The following ARL5A variants were observed in gnomAD, a reference collection of about 807,000 sequenced individuals.
The protein encoded by ARL5A is ADP-ribosylation factor-like protein 5A.
ARL5A carries 18 observed loss-of-function variants against 25.9 expected under a neutral mutation model. That is an observed-to-expected ratio of 0.69 (90% CI 0.48 to 1.03). The LOEUF is 1.03. Among genes scored for constraint, ARL5A ranks in the 50% least tolerant of loss-of-function variants. The probability of loss-of-function intolerance (pLI) is 0.00; values close to 1 mark genes in which losing one functional copy is unlikely to be tolerated. For missense variants in ARL5A, 170 were observed against 211.9 expected (o/e 0.80, Z 1.23); for synonymous variants, 61 against 67.5 (o/e 0.90, Z 0.47).
intron 1 of ARL5A, among the ~76,000 whole-genome samples, chr2:151,824,503 T>TAATAATAATAATAATAAC (rs534560146): frequency 2.6e-5 from 4 of 151,960 alleles, no homozygotes; most frequent in African/African-American, 7.3e-5. Flanking sequence ...ATAATAATAA[T>TAATAATAATAATAATAAC]AACAACAATA....
At position 151,814,706 on chromosome 2, in the gene ARL5A, C is replaced by T. The variant is rs78224388; in HGVS notation, c.108-390G>A. Among the ~76,000 whole-genome samples the T allele has an allele frequency of 5.7e-3, 873 of 151,964 alleles. 5 individuals carry two copies. The highest frequency in any genetic ancestry group is 8.5e-3 in the Non-Finnish European group (580 of 67,992). On this transcript the variant is annotated intron_variant, in intron 2 of 5. Coordinates refer to ENST00000295087, the MANE Select transcript of ARL5A (RefSeq NM_012097.4). ...GAGTAGCTGGAACTACAGGTGTGCA[C>T]CACTACATCCAGCTAATTTTAAAAT...
chr2:151,816,474 A>G (rs1428264446), intron 1 of ARL5A, among the ~76,000 whole-genome samples: 2 of 152,264 alleles, frequency 1.3e-5, no homozygotes, highest in Admixed American at 1.3e-4. Context: ...GCTTTAAGTC[A>G]TAAAATTAAA....
rs776861293 is a variant in ARL5A at position 151,814,292 on chromosome 2, T to C, written c.132A>G (p.Thr44=). The C allele has an allele frequency of 5.7e-6, 9 of 1,582,640 alleles. No individual in the cohort carries two copies. Among genetic ancestry groups the C allele is most frequent in the East Asian group, 2.3e-5 (1 of 43,390 alleles). Residue 44 remains threonine (T), a synonymous_variant, in exon 3 of 6, where the codon ACA becomes ACG. Transcript: ENST00000295087. The part of the protein sequence containing the change: ...YQFSMNEVVH[T]SPTIGSNVEE... ...CTACATTACTTCCTATTGTAGGAGA[T>C]GTATGTACAACTTCATTCATAGAAC...
chr2:151,807,984 T>A (rs1191363963), intron 4 of ARL5A, among the ~76,000 whole-genome samples: 1 of 152,162 alleles, frequency 6.6e-6, no homozygotes, highest in Admixed American at 6.5e-5. Flanking sequence ...CCCACTCCTC[T>A]CTACCTGCCA....
At chr2:151,827,044 G>C (rs1038448661) in intron 1 of ARL5A, among the ~76,000 whole-genome samples, 1 of 152,166 alleles carries the variant, frequency 6.6e-6, no homozygotes, top group Non-Finnish European at 1.5e-5. Flanking sequence ...GGTGGTAGTA[G>C]TAGGTGTACA....
rs2099829539 is a variant in ARL5A at position 151,802,343 on chromosome 2, T to A, written c.*933A>T. ...CATGTTTCACAAAACAGTTTTCAATTAATGCTGAGCATTCATTTGATAATT... is the reference window on the plus strand; with the variant it reads ...CATGTTTCACAAAACAGTTTTCAATAAATGCTGAGCATTCATTTGATAATT... On this transcript the variant is annotated 3_prime_UTR_variant, in exon 6 of 6. Coordinates refer to ENST00000295087, the MANE Select transcript of ARL5A (RefSeq NM_012097.4). 1 of 152,164 alleles carries A rather than the reference T, an allele frequency of 6.6e-6. No individual in the cohort carries two copies. Among genetic ancestry groups the A allele is most frequent in the Non-Finnish European group, 1.5e-5 (1 of 67,990 alleles). The allele number at this position is 152,164 out of a possible 1,614,324, so 9.4% of individuals were successfully genotyped here.
intron 1 of ARL5A, among the ~76,000 whole-genome samples, chr2:151,815,614 T>G (rs2099831403): frequency 6.6e-6 from 1 of 152,078 alleles, no homozygotes; most frequent in Non-Finnish European, 1.5e-5. Flanking sequence ...GTGTGTGGAG[T>G]GGAGTGAATG....
intron 4 of ARL5A, among the ~76,000 whole-genome samples, chr2:151,811,316 CA>C (rs1405608732): frequency 6.6e-6 from 1 of 151,968 alleles, no homozygotes; most frequent in Non-Finnish European, 1.5e-5. Flanking sequence ...CTAAGCTTTG[CA>C]AAAAATTCCA....
rs372896293 is a variant in ARL5A at position 151,802,367 on chromosome 2, T to C, written c.*909A>G. On this transcript the variant is annotated 3_prime_UTR_variant, in exon 6 of 6. Transcript: ENST00000295087. ...TTAATGCTGAGCATTCATTTGATAA[T>C]TGTAATCATAATTTGATTCACTGAT... The C allele has an allele frequency of 6.6e-6, 1 of 152,160 alleles. No homozygotes were observed. Among genetic ancestry groups the C allele is most frequent in the Non-Finnish European group, 1.5e-5 (1 of 67,980 alleles). The allele number at this position is 152,160 out of a possible 1,614,324, so 9.4% of individuals were successfully genotyped here. A position where few individuals can be genotyped will look rare whatever the true frequency, so the allele number is the denominator to read the frequency against.
chr2:151,801,106 A>T lies in ARL5A; in HGVS notation c.*2170T>A, dbSNP rs929766627. On this transcript the variant is annotated 3_prime_UTR_variant, in exon 6 of 6. Coordinates refer to ENST00000295087, the MANE Select transcript of ARL5A (RefSeq NM_012097.4). ...TTTTATGTACAAGTACACAAGTACC[A>T]CCTTATTTTTAATGTTTACCTTGAA... The T allele has an allele frequency of 2.0e-5, 3 of 152,598 alleles. No homozygotes were observed. The highest frequency in any genetic ancestry group is 7.2e-5 in the African/African-American group (3 of 41,460). The allele number at this position is 152,598 out of a possible 1,614,324, so 9.5% of individuals were successfully genotyped here.
chr2:151,825,953 T>A (rs1264902223), intron 1 of ARL5A, among the ~76,000 whole-genome samples: 4 of 151,924 alleles, frequency 2.6e-5, no homozygotes, highest in Non-Finnish European at 5.9e-5. Context: ...TGAAACCCCA[T>A]CTCTACAAAA....
chr2:151,813,515 G>A (rs1450206033), intron 3 of ARL5A, among the ~76,000 whole-genome samples: 1 of 152,186 alleles, frequency 6.6e-6, no homozygotes, highest in Admixed American at 6.5e-5. Flanking sequence ...TGCAGTGTTA[G>A]GAAATCAAGT....
chr2:151,816,370 GCTAT>G (rs2099831500), intron 1 of ARL5A, among the ~76,000 whole-genome samples: 1 of 152,166 alleles, frequency 6.6e-6, no homozygotes, highest in African/African-American at 2.4e-5. Context: ...AATTTTAGCT[GCTAT>G]CTGACTGCAA....
At position 151,800,916 on chromosome 2, in the gene ARL5A, T is replaced by C. The variant is rs1285000718; in HGVS notation, c.*2360A>G. 6.6e-6 allele frequency: 1 copy of C among 152,586 alleles called. No homozygotes were observed. Among genetic ancestry groups the C allele is most frequent in the Non-Finnish European group, 1.5e-5 (1 of 68,014 alleles). 9.5% of individuals were successfully genotyped at this position (152,586 alleles called of 1,614,324 possible). ...GATGTTTTCACTCAGAAGTGGCATATTAAAAACCCAAAAGCATCTCCCTCT... is the reference window on the plus strand; with the variant it reads ...GATGTTTTCACTCAGAAGTGGCATACTAAAAACCCAAAAGCATCTCCCTCT... On this transcript the variant is annotated 3_prime_UTR_variant, in exon 6 of 6. Transcript: ENST00000295087.
At chr2:151,804,206 G>A (rs1188665960) in intron 5 of ARL5A, among the ~76,000 whole-genome samples, 1 of 152,040 alleles carries the variant, frequency 6.6e-6, no homozygotes, top group African/African-American at 2.4e-5. Flanking sequence ...AACTTTTGAA[G>A]GCAATAAAAT....
At chr2:151,810,285 T>C (rs932949486) in intron 4 of ARL5A, 1 of 157,028 alleles carries the variant, frequency 6.4e-6, no homozygotes, top group Non-Finnish European at 1.4e-5. Context: ...ATGTAAAGAG[T>C]CATTATCAGT....
chr2:151,816,799 G>A (rs2099831571), intron 1 of ARL5A, among the ~76,000 whole-genome samples: 1 of 152,182 alleles, frequency 6.6e-6, no homozygotes, highest in Non-Finnish European at 1.5e-5. Flanking sequence ...TCAAGACACT[G>A]GGCAGTAGCA....
chr2:151,824,577 GCACC>G (rs543180334), intron 1 of ARL5A, among the ~76,000 whole-genome samples: 154 of 152,296 alleles, frequency 1.0e-3, no homozygotes, highest in African/African-American at 3.6e-3. Flanking sequence ...AGCTTCTCCT[GCACC>G]CATTCATACT....
At position 151,812,326 on chromosome 2, in the gene ARL5A, C is replaced by T. The variant is rs777879057; in HGVS notation, c.339+31G>A. On this transcript the variant is annotated intron_variant, in intron 4 of 5. Coordinates refer to ENST00000295087, the MANE Select transcript of ARL5A (RefSeq NM_012097.4). ...AAGTATCGATTCCCATACCCTTCCCCATATCTAATGTAAAAAGACTACTTA... is the reference window on the plus strand; with the variant it reads ...AAGTATCGATTCCCATACCCTTCCCTATATCTAATGTAAAAAGACTACTTA... The T allele has an allele frequency of 1.5e-5, 21 of 1,432,382 alleles. No homozygotes were observed. In the Admixed American group the frequency reaches 4.1e-4, roughly 28 times the overall value. 88.7% of individuals were successfully genotyped at this position (1,432,382 alleles called of 1,614,324 possible).
Sources: gnomAD v4.1 joint callset for allele counts (sites outside exome capture counted in the v4.1 genomes callset) on GRCh38, gnomAD v4.1.1 for gene constraint, MANE v1.5 for transcripts, NCBI Gene and HGNC (gene_info 2026-07-23, HGNC 2026-07-21) for gene names.